GALNT13: variants seen among roughly 807,000 people sequenced by gnomAD.
The protein encoded by GALNT13 is polypeptide N-acetylgalactosaminyltransferase 13, also known as UDP-GalNAc:polypeptide N-acetylgalactosaminyltransferase 13.
Under a neutral mutation model 64.2 loss-of-function variants are expected in GALNT13, and 28 were observed. That is an observed-to-expected ratio of 0.44 (90% CI 0.32 to 0.60). The LOEUF (loss-of-function observed/expected upper bound fraction) is 0.60. GALNT13 is among the 20% of genes least tolerant of loss of function. GALNT13 has a pLI of 0.05. For missense variants in GALNT13, 577 were observed against 669.8 expected, an observed-to-expected ratio of 0.86 and a Z score of 1.53; for synonymous variants, 214 against 224.6, an observed-to-expected ratio of 0.95 and a Z score of 0.42.
the GALNT13 span, among the ~76,000 whole-genome samples, chr2:153,534,495 G>A: frequency 1.5e-3 from 225 of 150,134 alleles, no homozygotes; most frequent in African/African-American, 5.0e-3. Flanking sequence ...CTGATAAAAT[G>A]CTAGCAAGTT....
At chr2:153,736,907 G>T in the GALNT13 span, among the ~76,000 whole-genome samples, 2 of 152,166 alleles carry the variant, frequency 1.3e-5, no homozygotes, top group African/African-American at 2.4e-5. Context: ...CACTCCGAGT[G>T]CAGTTTCTCT....
intron 8 of GALNT13, among the ~76,000 whole-genome samples, chr2:154,297,489 A>G (rs984919017): frequency 3.3e-5 from 5 of 152,164 alleles, no homozygotes; most frequent in South Asian, 4.1e-4. Flanking sequence ...AGAAAGAAAT[A>G]CCAGACTGCT....
chr2:153,293,750 T>C, the GALNT13 span, among the ~76,000 whole-genome samples: 1 of 144,282 alleles, frequency 6.9e-6, no homozygotes, highest in Non-Finnish European at 1.5e-5. Flanking sequence ...AACATGTTAC[T>C]TTTTTTCTGT....
the GALNT13 span, among the ~76,000 whole-genome samples, chr2:153,559,145 A>G: frequency 2.0e-5 from 3 of 152,196 alleles, no homozygotes; most frequent in African/African-American, 7.2e-5. Flanking sequence ...TTATTTTTGT[A>G]ATATAAGCAT....
the GALNT13 span, among the ~76,000 whole-genome samples, chr2:153,863,039 A>G: frequency 2.6e-5 from 4 of 152,144 alleles, no homozygotes; most frequent in Admixed American, 2.6e-4. Flanking sequence ...TTTTATCCAT[A>G]TCGTAACCAG....
chr2:153,840,139 C>A, the GALNT13 span, among the ~76,000 whole-genome samples: 1 of 152,042 alleles, frequency 6.6e-6, no homozygotes, highest in African/African-American at 2.4e-5. Flanking sequence ...CATTGAAGAA[C>A]TTTGTTTACA....
At chr2:153,284,208 C>T in the GALNT13 span, among the ~76,000 whole-genome samples, 2 of 152,164 alleles carry the variant, frequency 1.3e-5, no homozygotes, top group South Asian at 2.1e-4. Context: ...CAGCAATACA[C>T]ACACACAGAC....
At chr2:153,512,157 C>T in the GALNT13 span, among the ~76,000 whole-genome samples, 8 of 151,988 alleles carry the variant, frequency 5.3e-5, no homozygotes, top group East Asian at 3.9e-4. Context: ...AAACCCATGG[C>T]GGGGGAAGCA....
the GALNT13 span, among the ~76,000 whole-genome samples, chr2:153,345,632 T>TC: frequency 0.012 from 1,718 of 140,552 alleles, 26 homozygotes; most frequent in South Asian, 0.017. Context: ...TCTTTTCCTT[T>TC]CTTTTTCTTT....
At chr2:153,723,530 G>A in the GALNT13 span, among the ~76,000 whole-genome samples, 6 of 150,578 alleles carry the variant, frequency 4.0e-5, no homozygotes, top group African/African-American at 9.9e-5. Context: ...GTTTGCAGAC[G>A]ACATGATTGT....
chr2:153,947,670 A>C (rs558398413), intron 3 of GALNT13, among the ~76,000 whole-genome samples: 4 of 152,038 alleles, frequency 2.6e-5, no homozygotes, highest in African/African-American at 9.6e-5. Context: ...TGCTGTGCAG[A>C]AGCTTTTTTG....
chr2:153,180,868 T>C, the GALNT13 span, among the ~76,000 whole-genome samples: 5 of 152,050 alleles, frequency 3.3e-5, 1 homozygote, highest in Admixed American at 2.6e-4. Flanking sequence ...TAGGTATTTC[T>C]GTAGTATCAG....
chr2:153,428,708 G>A, the GALNT13 span, among the ~76,000 whole-genome samples: 1 of 152,174 alleles, frequency 6.6e-6, no homozygotes, highest in African/African-American at 2.4e-5. Flanking sequence ...TTCCAGCATA[G>A]CCATGAGGCT....
intron 3 of GALNT13, among the ~76,000 whole-genome samples, chr2:154,070,574 A>G (rs1700687144): frequency 1.3e-5 from 2 of 152,164 alleles, no homozygotes; most frequent in African/African-American, 4.8e-5. Flanking sequence ...AAAATGATCT[A>G]CTATCTTCTC....
intron 9 of GALNT13, among the ~76,000 whole-genome samples, chr2:154,372,370 G>A (rs771198308): frequency 1.6e-4 from 24 of 152,106 alleles, no homozygotes; most frequent in East Asian, 3.9e-4. Context: ...TGATTTGTGC[G>A]GCTGCAAATT....
At chr2:153,526,767 C>A in the GALNT13 span, among the ~76,000 whole-genome samples, 1 of 152,066 alleles carries the variant, frequency 6.6e-6, no homozygotes, top group Non-Finnish European at 1.5e-5. Context: ...TTTAAAATAG[C>A]TGTTTTGAGA....
At chr2:153,442,475 A>T in the GALNT13 span, among the ~76,000 whole-genome samples, 1 of 152,176 alleles carries the variant, frequency 6.6e-6, no homozygotes, top group Non-Finnish European at 1.5e-5. Flanking sequence ...TGAGTTAGAG[A>T]GGAGTCCCTC....
At chr2:153,492,620 G>A in the GALNT13 span, among the ~76,000 whole-genome samples, 2 of 152,088 alleles carry the variant, frequency 1.3e-5, no homozygotes, top group Non-Finnish European at 2.9e-5. Flanking sequence ...AACAACAGAG[G>A]AAAAACGAAA....
chr2:153,244,575 C>A, the GALNT13 span, among the ~76,000 whole-genome samples: 2 of 152,302 alleles, frequency 1.3e-5, 1 homozygote, highest in African/African-American at 4.8e-5. Context: ...CCAAGGGAAG[C>A]CATGAAGGAC....
Sources: allele counts gnomAD v4.1 joint callset (sites outside exome capture counted in the v4.1 genomes callset), GRCh38; gene constraint gnomAD v4.1.1; transcripts MANE v1.5; gene names NCBI Gene and HGNC (gene_info 2026-07-23, HGNC 2026-07-21).